Variants in NOL4 observed in about 807,000 individuals in gnomAD.
NOL4 encodes the protein cancer/testis antigen 125.
A neutral mutation model predicts 75.9 loss-of-function variants in NOL4; 17 were observed. The ratio of observed to expected loss-of-function variants is 0.22; its 90% confidence interval spans 0.15 to 0.34. NOL4 has a LOEUF of 0.34. NOL4 is among the 10% of genes least tolerant of loss of function. The probability of loss-of-function intolerance (pLI) is 1.00; values close to 1 mark genes in which losing one functional copy is unlikely to be tolerated. For missense variants in NOL4, 614 were observed against 793.5 expected, an observed-to-expected ratio of 0.77 and a Z score of 2.72; for synonymous variants, 292 against 289.9, an observed-to-expected ratio of 1.01 and a Z score of -0.07.
intron 6 of NOL4, among the ~76,000 whole-genome samples, chr18:33,977,298 T>C (rs931764863): frequency 2.0e-5 from 3 of 152,156 alleles, no homozygotes; most frequent in South Asian, 4.1e-4. Context: ...TCATCTTGAA[T>C]TGTAGCAACC....
At chr18:34,155,720 C>T (rs2030258921) in intron 1 of NOL4, among the ~76,000 whole-genome samples, 1 of 152,016 alleles carries the variant, frequency 6.6e-6, no homozygotes, top group Admixed American at 6.6e-5. Flanking sequence ...ATACACTACT[C>T]ATCCTTGACC....
intron 4 of NOL4, among the ~76,000 whole-genome samples, chr18:34,100,773 G>A (rs1045571998): frequency 3.3e-5 from 5 of 152,114 alleles, no homozygotes; most frequent in African/African-American, 4.8e-5. Flanking sequence ...ACTATCTGCC[G>A]ATGATGCTTG....
intron 10 of NOL4, among the ~76,000 whole-genome samples, chr18:33,879,553 C>A (rs559082644): frequency 6.6e-6 from 1 of 151,916 alleles, no homozygotes. Flanking sequence ...TGGAGGCATG[C>A]ACCTGTAGTA....
At chr18:34,056,565 T>C (rs1393266510) in intron 5 of NOL4, among the ~76,000 whole-genome samples, 1 of 152,146 alleles carries the variant, frequency 6.6e-6, no homozygotes, top group Non-Finnish European at 1.5e-5. Context: ...TGCTATGATA[T>C]AGAAACCAAT....
chr18:34,010,621 A>G (rs1419482092), intron 6 of NOL4, among the ~76,000 whole-genome samples: 1 of 151,946 alleles, frequency 6.6e-6, no homozygotes, highest in Non-Finnish European at 1.5e-5. Flanking sequence ...ATTTTTGAGC[A>G]ATGTCCATAC....
intron 9 of NOL4, among the ~76,000 whole-genome samples, chr18:33,900,464 A>G (rs2065681529): frequency 6.6e-6 from 1 of 152,088 alleles, no homozygotes; most frequent in Admixed American, 6.6e-5. Context: ...CCTGCTTTGA[A>G]TTTCCCATTA....
intron 8 of NOL4, among the ~76,000 whole-genome samples, chr18:33,950,335 C>T (rs917154104): frequency 2.0e-5 from 3 of 151,800 alleles, no homozygotes; most frequent in Non-Finnish European, 4.4e-5. Context: ...GCTATATTTT[C>T]AGTTAGTAGT....
At chr18:34,033,212 G>T (rs549488459) in intron 5 of NOL4, among the ~76,000 whole-genome samples, 47 of 152,028 alleles carry the variant, frequency 3.1e-4, no homozygotes, top group African/African-American at 1.1e-3. Context: ...CAATCAAAAA[G>T]AAATTCATGA....
chr18:33,853,147 A>C (rs1347009085), intron 10 of NOL4, 112 bp from the exon 11 acceptor site: 1 of 899,122 alleles, frequency 1.1e-6, no homozygotes, highest in Admixed American at 3.0e-5. Flanking sequence ...TTCCACAAGA[A>C]GCTAGTGATC....
At chr18:34,195,408 G>A (rs900909222) in intron 1 of NOL4, among the ~76,000 whole-genome samples, 4 of 151,936 alleles carry the variant, frequency 2.6e-5, no homozygotes, top group African/African-American at 9.7e-5. Context: ...ATAATCTAAG[G>A]ATGACTCTCA....
intron 1 of NOL4, among the ~76,000 whole-genome samples, chr18:34,132,078 C>T (rs928736107): frequency 1.3e-5 from 2 of 152,192 alleles, no homozygotes; most frequent in Admixed American, 1.3e-4. Flanking sequence ...CCATTCTTTG[C>T]CTCTTCCAGC....
At chr18:34,025,283 A>G (rs1386427484) in intron 5 of NOL4, among the ~76,000 whole-genome samples, 1 of 152,146 alleles carries the variant, frequency 6.6e-6, no homozygotes, top group Non-Finnish European at 1.5e-5. Flanking sequence ...GGAGCTATAA[A>G]CCTTATCTGG....
chr18:33,972,815 C>T (rs2071182669), intron 6 of NOL4, among the ~76,000 whole-genome samples: 1 of 152,186 alleles, frequency 6.6e-6, no homozygotes, highest in Non-Finnish European at 1.5e-5. Context: ...TTTAAAAATA[C>T]TCTATTTCTA....
chr18:34,037,606 T>C (rs1223724330), intron 5 of NOL4, among the ~76,000 whole-genome samples: 1 of 151,912 alleles, frequency 6.6e-6, no homozygotes, highest in African/African-American at 2.4e-5. Context: ...CCAAAATAAA[T>C]CTTTATATTT....
rs2037500677 is a variant in NOL4, at chr18:34,224,585, G to C, written c.-1332C>G. 1 of 152,228 alleles carries C rather than the reference G, an allele frequency of 6.6e-6. No homozygotes were observed. The highest frequency in any genetic ancestry group is 2.4e-5 in the African/African-American group (1 of 41,448). 9.4% of individuals were successfully genotyped at this position (152,228 alleles called of 1,614,324 possible). On this transcript the variant is annotated 5_prime_UTR_variant, in exon 1 of 11. Coordinates refer to ENST00000261592, the MANE Select transcript of NOL4 (RefSeq NM_003787.5). ...GAGGCCCGCGCCCGTCCCGGGGAGC[G>C]GCTCTGCCAGGAAAACGGCCCGACC... is the stretch of plus-strand genomic sequence containing the variant.
At position 34,054,840 on chromosome 18, in the gene NOL4, C is replaced by T. The variant is rs143789695; in HGVS notation, c.773-35239G>A. On this transcript the variant is annotated intron_variant, in intron 5 of 10. Transcript: ENST00000261592. Reference sequence around the variant, plus strand: ...TTTGTTGACTTTTGGTAATGGCATGCTTTGACTTTCTTTTCATTTCCTTTC... The same window carrying T: ...TTTGTTGACTTTTGGTAATGGCATGTTTTGACTTTCTTTTCATTTCCTTTC... Among the ~76,000 whole-genome samples the T allele has an allele frequency of 7.9e-5, 12 of 151,508 alleles. No individual in the cohort carries two copies. In the South Asian group the frequency reaches 2.3e-3, roughly 29 times the overall value.
intron 5 of NOL4, among the ~76,000 whole-genome samples, chr18:34,026,459 G>A (rs1249472376): frequency 6.6e-6 from 1 of 152,128 alleles, no homozygotes; most frequent in African/African-American, 2.4e-5. Context: ...TGCTAGCTAT[G>A]GGAGCCGCCT....
rs1332382029 is a variant in NOL4, at chr18:33,851,139, A to G, written c.*1703T>C. ...AAATCTGTTTATTAAACCAAACAAA[A>G]CAGAGAAAATTATACCAGCCCTCAA... On this transcript the variant is annotated 3_prime_UTR_variant, in exon 11 of 11. Transcript: ENST00000261592. 6.6e-6 allele frequency: 1 copy of G among 152,514 alleles called. No individual in the cohort carries two copies. The highest frequency in any genetic ancestry group is 1.5e-5 in the Non-Finnish European group (1 of 67,988). 9.4% of individuals were successfully genotyped at this position (152,514 alleles called of 1,614,324 possible).
intron 1 of NOL4, among the ~76,000 whole-genome samples, chr18:34,159,498 T>C (rs1023895194): frequency 6.6e-6 from 1 of 151,660 alleles, no homozygotes; most frequent in Non-Finnish European, 1.5e-5. Context: ...CGCCGCCTTC[T>C]CCTCCCCTGG....
Sources: allele counts gnomAD v4.1 joint callset (sites outside exome capture counted in the v4.1 genomes callset), GRCh38; gene constraint gnomAD v4.1.1; transcripts MANE v1.5; gene names NCBI Gene and HGNC (gene_info 2026-07-23, HGNC 2026-07-21).